LDLRAD3: variants seen among roughly 807,000 people sequenced by gnomAD.
LDLRAD3 encodes the protein low density lipoprotein receptor class A domain containing 3.
A neutral mutation model predicts 29.4 loss-of-function variants in LDLRAD3; 20 were observed. The ratio of observed to expected loss-of-function variants is 0.68; its 90% confidence interval spans 0.48 to 0.99. LDLRAD3 has a LOEUF of 0.99. Among genes scored for constraint, LDLRAD3 ranks in the 50% least tolerant of loss-of-function variants. LDLRAD3 has a pLI of 0.00. For missense variants in LDLRAD3, 420 were observed against 454.3 expected, an observed-to-expected ratio of 0.92 and a Z score of 0.69; for synonymous variants, 157 against 192.7, an observed-to-expected ratio of 0.81 and a Z score of 1.53.
chr11:36,028,561 A>G (rs951875969), intron 1 of LDLRAD3, among the ~76,000 whole-genome samples: 9 of 152,156 alleles, frequency 5.9e-5, no homozygotes, highest in African/African-American at 1.9e-4. Flanking sequence ...ACATATTTAA[A>G]TGGTTGGGAA....
intron 1 of LDLRAD3, among the ~76,000 whole-genome samples, chr11:35,952,682 C>A (rs1225547851): frequency 6.6e-6 from 1 of 152,096 alleles, no homozygotes; most frequent in Non-Finnish European, 1.5e-5. Flanking sequence ...CAGCACTTCC[C>A]TCAAATAGTG....
At chr11:36,187,991 G>T (rs186479574) in intron 4 of LDLRAD3, among the ~76,000 whole-genome samples, 3 of 152,278 alleles carry the variant, frequency 2.0e-5, no homozygotes, top group Non-Finnish European at 2.9e-5. Context: ...TAAGAACCCT[G>T]AAAGTACATA....
chr11:36,098,584 A>G (rs1473007364), intron 4 of LDLRAD3, 123 bp downstream of exon 4: 1 of 1,181,280 alleles, frequency 8.5e-7, no homozygotes, highest in African/African-American at 1.5e-5. Context: ...TAGTTTTTGC[A>G]CTCAGCCTTG....
At chr11:36,022,768 G>A (rs2133198920) in intron 1 of LDLRAD3, among the ~76,000 whole-genome samples, 1 of 152,210 alleles carries the variant, frequency 6.6e-6, no homozygotes, top group East Asian at 1.9e-4. Context: ...CTTTTCATAG[G>A]CTACCCTTTG....
chr11:36,146,244 T>C (rs1410508135), intron 4 of LDLRAD3, among the ~76,000 whole-genome samples: 1 of 152,234 alleles, frequency 6.6e-6, no homozygotes, highest in Non-Finnish European at 1.5e-5. Flanking sequence ...CCTGGATTAT[T>C]TTGAATATCA....
intron 4 of LDLRAD3, among the ~76,000 whole-genome samples, chr11:36,218,973 G>A (rs201292126): frequency 3.8e-5 from 5 of 132,650 alleles, no homozygotes; most frequent in East Asian, 3.0e-4. Context: ...AGAAAAGTAC[G>A]TGTGTGTACA....
chr11:36,130,592 A>G (rs1716581517), intron 4 of LDLRAD3, among the ~76,000 whole-genome samples: 1 of 152,228 alleles, frequency 6.6e-6, no homozygotes, highest in South Asian at 2.1e-4. Context: ...TTCTGCTAAG[A>G]TAGTGATGAC....
intron 2 of LDLRAD3, among the ~76,000 whole-genome samples, chr11:36,079,534 G>A (rs1021135150): frequency 7.2e-5 from 11 of 152,200 alleles, no homozygotes; most frequent in Non-Finnish European, 1.5e-5. Flanking sequence ...GATAAGTGCT[G>A]TGGATACAAC....
intron 4 of LDLRAD3, among the ~76,000 whole-genome samples, chr11:36,192,526 G>C (rs1478684445): frequency 1.3e-5 from 2 of 152,136 alleles, no homozygotes; most frequent in Non-Finnish European, 1.5e-5. Context: ...AATGGGTTTG[G>C]GTCACACACA....
chr11:36,017,854 T>C (rs1852043934), intron 1 of LDLRAD3, among the ~76,000 whole-genome samples: 1 of 152,184 alleles, frequency 6.6e-6, no homozygotes. Context: ...TCTTCAAAGA[T>C]ATGCTTCAGG....
At chr11:36,143,008 A>G (rs944409488) in intron 4 of LDLRAD3, among the ~76,000 whole-genome samples, 1 of 152,262 alleles carries the variant, frequency 6.6e-6, no homozygotes, top group Non-Finnish European at 1.5e-5. Context: ...ATTAATATAC[A>G]TAACAAACAT....
chr11:36,215,134 G>A (rs2133384506), intron 4 of LDLRAD3, among the ~76,000 whole-genome samples: 1 of 152,330 alleles, frequency 6.6e-6, no homozygotes, highest in East Asian at 1.9e-4. Context: ...GTGCTAAGCA[G>A]ACGGCAAGGG....
intron 4 of LDLRAD3, among the ~76,000 whole-genome samples, chr11:36,105,213 G>C (rs949532161): frequency 6.9e-6 from 1 of 145,292 alleles, no homozygotes; most frequent in Admixed American, 6.8e-5. Context: ...ATTTGTGTGT[G>C]TGTGTGTGTG....
At chr11:36,150,647 TG>T (rs1206315762) in intron 4 of LDLRAD3, among the ~76,000 whole-genome samples, 1 of 151,932 alleles carries the variant, frequency 6.6e-6, no homozygotes, top group Non-Finnish European at 1.5e-5. Context: ...CCCAGCTACT[TG>T]GGAGGCTGAG....
At chr11:36,195,731 T>C (rs1267357554) in intron 4 of LDLRAD3, among the ~76,000 whole-genome samples, 1 of 152,026 alleles carries the variant, frequency 6.6e-6, no homozygotes, top group Non-Finnish European at 1.5e-5. Context: ...ATATTCTAAA[T>C]CCCTCTGTGG....
At chr11:36,112,493 C>T (rs769454547) in intron 4 of LDLRAD3, among the ~76,000 whole-genome samples, 3 of 152,176 alleles carry the variant, frequency 2.0e-5, no homozygotes, top group Admixed American at 6.5e-5. Context: ...ACTTCCAGAC[C>T]GTGCACTCAT....
At chr11:36,142,444 T>A (rs772069269) in intron 4 of LDLRAD3, among the ~76,000 whole-genome samples, 2 of 152,200 alleles carry the variant, frequency 1.3e-5, no homozygotes, top group Non-Finnish European at 2.9e-5. Context: ...CTAGGACAAC[T>A]GTTCACCTAC....
chr11:36,121,724 C>A (rs991632296), intron 4 of LDLRAD3, among the ~76,000 whole-genome samples: 12 of 152,236 alleles, frequency 7.9e-5, no homozygotes, highest in African/African-American at 2.9e-4. Context: ...TGCTAGGAAT[C>A]CATAGCCTCT....
At chr11:36,132,071 C>A (rs61878992) in intron 4 of LDLRAD3, among the ~76,000 whole-genome samples, 1 of 145,154 alleles carries the variant, frequency 6.9e-6, no homozygotes, top group Non-Finnish European at 1.5e-5. Context: ...TTTTTTTTTC[C>A]AGCTCTGATC....
Sources: gnomAD v4.1 joint callset for allele counts (sites outside exome capture counted in the v4.1 genomes callset) on GRCh38, gnomAD v4.1.1 for gene constraint, MANE v1.5 for transcripts, NCBI Gene and HGNC (gene_info 2026-07-23, HGNC 2026-07-21) for gene names.